The following LINGO2 variants were observed in gnomAD, a reference collection of about 807,000 sequenced individuals.
The protein encoded by LINGO2 is leucine-rich repeat and immunoglobulin-like domain-containing nogo receptor-interacting protein 2.
In LINGO2, 14 loss-of-function variants were observed where a neutral mutation model predicts 30.6. The ratio of observed to expected loss-of-function variants is 0.46; its 90% CI spans 0.30 to 0.72. The LOEUF (loss-of-function observed/expected upper bound fraction) is 0.72. Ranked by LOEUF, LINGO2 falls within the 30% of genes least tolerant of loss-of-function variation. LINGO2 has a pLI of 0.07. For synonymous variants in LINGO2, 317 were observed against 288.5 expected (o/e 1.10, Z -1.00); for missense variants, 729 against 751.7 (o/e 0.97, Z 0.35).
At chr9:28,536,183 A>T (rs1347863473) in intron 1 of LINGO2, among the ~76,000 whole-genome samples, 1 of 152,088 alleles carries the variant, frequency 6.6e-6, no homozygotes, top group Non-Finnish European at 1.5e-5. Flanking sequence ...AATATTTTTA[A>T]CTCTGTGCTT....
chr9:29,089,153 CAG>C, the LINGO2 span, among the ~76,000 whole-genome samples: 4 of 151,754 alleles, frequency 2.6e-5, no homozygotes, highest in Non-Finnish European at 2.9e-5. Flanking sequence ...AGGCATAAAA[CAG>C]AATTAAATTC....
chr9:28,624,554 T>G (rs1826569270), intron 1 of LINGO2, among the ~76,000 whole-genome samples: 1 of 152,034 alleles, frequency 6.6e-6, no homozygotes, highest in Non-Finnish European at 1.5e-5. Context: ...TTAAAAGTAT[T>G]GTTGAATTTG....
chr9:29,089,539 C>G, the LINGO2 span, among the ~76,000 whole-genome samples: 8 of 152,030 alleles, frequency 5.3e-5, no homozygotes, highest in South Asian at 1.7e-3. Flanking sequence ...ATTTCTTCAA[C>G]CAAATAAACT....
intron 2 of LINGO2, among the ~76,000 whole-genome samples, chr9:28,449,028 C>T (rs1824539380): frequency 9.1e-6 from 1 of 110,152 alleles, no homozygotes; most frequent in African/African-American, 3.2e-5. Flanking sequence ...TATGTATTCA[C>T]ATTCGTGTGT....
the LINGO2 span, among the ~76,000 whole-genome samples, chr9:28,761,211 C>T: frequency 2.6e-5 from 4 of 151,992 alleles, no homozygotes; most frequent in East Asian, 7.7e-4. Flanking sequence ...CTAGGAAGTA[C>T]TTGCTTTTAA....
intron 2 of LINGO2, among the ~76,000 whole-genome samples, chr9:28,413,820 A>G (rs1822865636): frequency 6.6e-6 from 1 of 152,130 alleles, no homozygotes; most frequent in Admixed American, 6.6e-5. Context: ...ACTTGATTAT[A>G]AGATATATTT....
intron 4 of LINGO2, among the ~76,000 whole-genome samples, chr9:28,181,092 A>G (rs1271528586): frequency 6.6e-6 from 1 of 152,134 alleles, no homozygotes; most frequent in African/African-American, 2.4e-5. Context: ...GTAAGCTGTT[A>G]CAGCTGGCCA....
chr9:28,793,373 G>C, the LINGO2 span, among the ~76,000 whole-genome samples: 1 of 152,126 alleles, frequency 6.6e-6, no homozygotes, highest in African/African-American at 2.4e-5. Flanking sequence ...GTAGAATTCA[G>C]GCTACATTTT....
chr9:29,026,127 C>A, the LINGO2 span, among the ~76,000 whole-genome samples: 11 of 151,906 alleles, frequency 7.2e-5, no homozygotes, highest in Admixed American at 6.6e-5. Flanking sequence ...CAATCTCCTG[C>A]ACTCAAGTGA....
At chr9:29,023,491 G>A in the LINGO2 span, among the ~76,000 whole-genome samples, 37 of 151,890 alleles carry the variant, frequency 2.4e-4, 1 homozygote, top group South Asian at 7.5e-3. Flanking sequence ...AATCTAGTTA[G>A]CACTCTTTCA....
At chr9:28,014,215 A>G (rs1000904933) in intron 4 of LINGO2, among the ~76,000 whole-genome samples, 2 of 152,198 alleles carry the variant, frequency 1.3e-5, no homozygotes, top group African/African-American at 4.8e-5. Context: ...ATTCTTTAGA[A>G]TTAGCCTACT....
Position 28,039,402 on chromosome 9 carries a change from A to G in LINGO2, c.-86-26997T>C, listed in dbSNP as rs112821209. On this transcript the variant is annotated intron_variant, in intron 4 of 5. Coordinates refer to ENST00000379992, the Ensembl canonical transcript of LINGO2. ...AATTTAAGAGAACACGTTATTGCAT[A>G]TACTTCTAAAAGAGGCGCAACTAAC... Among the ~76,000 whole-genome samples, 122 of 152,326 alleles carry G rather than the reference A, an allele frequency of 8.0e-4. 3 individuals are homozygous for G. Among genetic ancestry groups the G allele is most frequent in the African/African-American group, 2.7e-3 (112 of 41,576 alleles).
chr9:29,138,826 AACTAGACAAGTTCTGTGGT>A, the LINGO2 span, among the ~76,000 whole-genome samples: 1 of 152,186 alleles, frequency 6.6e-6, no homozygotes, highest in Non-Finnish European at 1.5e-5. Flanking sequence ...AATCCAAAAT[AACTAGACAAGTTCTGTGGT>A]AGACAGCTTG....
intron 2 of LINGO2, among the ~76,000 whole-genome samples, chr9:28,407,731 T>C (rs544225667): frequency 1.3e-5 from 2 of 152,116 alleles, no homozygotes; most frequent in African/African-American, 2.4e-5. Flanking sequence ...GGATGCCTGA[T>C]TTCATTAAAA....
At chr9:28,477,947 T>C (rs375817663) in intron 1 of LINGO2, among the ~76,000 whole-genome samples, 133 of 152,276 alleles carry the variant, frequency 8.7e-4, no homozygotes, top group African/African-American at 3.0e-3. Context: ...CATTTTCTAA[T>C]AAGCCATGGT....
At chr9:27,969,204 C>A (rs1001309356) in intron 5 of LINGO2, among the ~76,000 whole-genome samples, 1 of 151,962 alleles carries the variant, frequency 6.6e-6, no homozygotes, top group Admixed American at 6.6e-5. Context: ...GGAAATTTAA[C>A]TTTGTTTTAT....
At chr9:28,769,133 T>C in the LINGO2 span, among the ~76,000 whole-genome samples, 10 of 151,892 alleles carry the variant, frequency 6.6e-5, no homozygotes, top group African/African-American at 2.4e-4. Flanking sequence ...TTTTTAAGGG[T>C]ATTCTATATC....
the LINGO2 span, among the ~76,000 whole-genome samples, chr9:28,694,766 G>A: frequency 1.3e-5 from 2 of 151,944 alleles, no homozygotes; most frequent in Non-Finnish European, 2.9e-5. Flanking sequence ...TTAATTGTGT[G>A]GGGGCTCTAG....
intron 4 of LINGO2, among the ~76,000 whole-genome samples, chr9:28,248,262 G>A (rs1186419762): frequency 6.6e-6 from 1 of 152,132 alleles, no homozygotes; most frequent in Non-Finnish European, 1.5e-5. Context: ...GCACAGTGAA[G>A]TACTATTCAC....
Sources: allele counts gnomAD v4.1 joint callset (sites outside exome capture counted in the v4.1 genomes callset), GRCh38; gene constraint gnomAD v4.1.1; transcripts MANE v1.5; gene names NCBI Gene and HGNC (gene_info 2026-07-23, HGNC 2026-07-21).